Variants in STX11 observed in about 807,000 individuals in gnomAD.
The protein encoded by STX11 is syntaxin 11, also known as syntaxin-11.
A neutral mutation model predicts 19.9 loss-of-function variants in STX11; 21 were observed. The ratio of observed to expected loss-of-function variants is 1.06; its 90% CI spans 0.75 to 1.52. The LOEUF (loss-of-function observed/expected upper bound fraction) is 1.52, where lower values mean the gene tolerates loss of function less well. STX11 is among the 40% of genes most tolerant of loss of function. STX11 has a pLI of 0.00. For synonymous variants in STX11, 193 were observed against 174.4 expected (o/e 1.11, Z -0.84); for missense variants, 438 against 405.9 (o/e 1.08, Z -0.68).
At chr6:144,144,425 TCTTAAA>T in the STX11 span, among the ~76,000 whole-genome samples, 2 of 152,346 alleles carry the variant, frequency 1.3e-5, no homozygotes, top group African/African-American at 2.4e-5. Flanking sequence ...GAAAGAAAGA[TCTTAAA>T]CTTAAATTTA....
In STX11 at chr6:144,155,207, C is replaced by T. The variant is rs1191473962; in HGVS notation, c.-6+4504C>T. 6.6e-6 allele frequency among the ~76,000 whole-genome samples: 1 copy of T among 152,116 alleles called. No individual in the cohort carries two copies. Among genetic ancestry groups the T allele is most frequent in the African/African-American group, 2.4e-5 (1 of 41,408 alleles). On this transcript the variant is annotated intron_variant, in intron 1 of 1. Transcript: ENST00000367568. This position sits in a 1 kb window ranked among gnomAD's most constrained non-coding sequence, Gnocchi z 4.5. ...TTCCTCAAAGACCTCGACTTTGGAC[C>T]ATGTAAGGTTTAAAACGCCCAATTA...
At chr6:144,185,678 A>G (rs1802011435) in intron 1 of STX11, among the ~76,000 whole-genome samples, 1 of 152,226 alleles carries the variant, frequency 6.6e-6, no homozygotes, top group Non-Finnish European at 1.5e-5. Flanking sequence ...TATTGCTACT[A>G]GGCCACGTAT....
In STX11 at chr6:144,190,146, ACTT is replaced by A. The variant is rs886061154; in HGVS notation, c.*2663_*2665del. Among the ~76,000 whole-genome samples, 12 of 152,276 alleles carry A rather than the reference ACTT, an allele frequency of 7.9e-5. No homozygotes were observed. The highest frequency in any genetic ancestry group is 2.1e-4 in the South Asian group (1 of 4,822). On this transcript the variant is annotated 3_prime_UTR_variant, in exon 2 of 2. Coordinates refer to ENST00000367568, the MANE Select transcript of STX11 (RefSeq NM_003764.4). ...GAACTGTTACCTATAGGGAAAGAAC[ACTT>A]CTTCTTCCTGCTGTTTGGGAACCAT...
At chr6:144,161,419 G>T (rs1402995629) in intron 1 of STX11, among the ~76,000 whole-genome samples, 1 of 152,112 alleles carries the variant, frequency 6.6e-6, no homozygotes, top group Non-Finnish European at 1.5e-5. Flanking sequence ...CCACGCTGGA[G>T]TGCAGTGGCA....
At chr6:144,148,985 T>G (rs575311952), upstream of STX11, among the ~76,000 whole-genome samples, 13 of 152,338 alleles carry the variant, frequency 8.5e-5, no homozygotes, top group Non-Finnish European at 1.3e-4. Flanking sequence ...GTTTGATATT[T>G]TTCTCATTAT....
In STX11 at chr6:144,182,676, A is replaced by G. The variant is rs1801936493; in HGVS notation, c.-5-3947A>G. Among the ~76,000 whole-genome samples the G allele has an allele frequency of 6.6e-6, 1 of 152,164 alleles. No individual in the cohort carries two copies. The highest frequency in any genetic ancestry group is 1.5e-5 in the Non-Finnish European group (1 of 68,028). Reference sequence around the variant, plus strand: ...GATGATTTCCCCCAATAGCTTTTTAATGGCTGTAGGAGAGCAATACAGAGC... The same window carrying G: ...GATGATTTCCCCCAATAGCTTTTTAGTGGCTGTAGGAGAGCAATACAGAGC... On this transcript the variant is annotated intron_variant, in intron 1 of 1. Coordinates refer to ENST00000367568, the MANE Select transcript of STX11 (RefSeq NM_003764.4). The surrounding 1 kb of genome is among the most constrained non-coding windows in gnomAD (Gnocchi z 4.8).
At chr6:144,178,182 G>A (rs1801821064) in intron 1 of STX11, among the ~76,000 whole-genome samples, 1 of 152,198 alleles carries the variant, frequency 6.6e-6, no homozygotes, top group Admixed American at 6.5e-5. Flanking sequence ...GGATTCTCAA[G>A]TAGTCACACT....
chr6:144,143,423 T>A, the STX11 span, among the ~76,000 whole-genome samples: 2 of 152,126 alleles, frequency 1.3e-5, no homozygotes, highest in African/African-American at 4.8e-5. Context: ...AAGGGGTCTA[T>A]TATAAAGATA....
At chr6:144,173,588 C>T (rs1178080415) in intron 1 of STX11, among the ~76,000 whole-genome samples, 1 of 152,182 alleles carries the variant, frequency 6.6e-6, no homozygotes, top group Non-Finnish European at 1.5e-5. Context: ...TAGTTTGTCT[C>T]TATCGTGCAG....
In STX11 at chr6:144,176,348, T is replaced by G. The variant is rs987470499; in HGVS notation, c.-5-10275T>G. Reference sequence around the variant, plus strand: ...TCTTACTCACTGGGTGAACTTAACTTCTCCGAGACCCAGTTATTAGTAAAT... The same window carrying G: ...TCTTACTCACTGGGTGAACTTAACTGCTCCGAGACCCAGTTATTAGTAAAT... On this transcript the variant is annotated intron_variant, in intron 1 of 1. Coordinates refer to ENST00000367568, the MANE Select transcript of STX11 (RefSeq NM_003764.4). The surrounding 1 kb of genome is among the most constrained non-coding windows in gnomAD (Gnocchi z 4.1). Among the ~76,000 whole-genome samples the G allele has an allele frequency of 1.3e-5, 2 of 152,076 alleles. No individual in the cohort carries two copies. Among genetic ancestry groups the G allele is most frequent in the Admixed American group, 6.6e-5 (1 of 15,264 alleles).
In STX11 at chr6:144,169,276, G is replaced by T. The variant is rs547416508; in HGVS notation, c.-5-17347G>T. ...CTTTCCGGGGCAATAACACCAAAAC[G>T]GTGATGTTTTATCAGCATTGCAAAC... On this transcript the variant is annotated intron_variant, in intron 1 of 1. Transcript: ENST00000367568. This position sits in a 1 kb window ranked among gnomAD's most constrained non-coding sequence, Gnocchi z 5.2. 6.6e-6 allele frequency among the ~76,000 whole-genome samples: 1 copy of T among 152,156 alleles called. No homozygotes were observed. The highest frequency in any genetic ancestry group is 1.5e-5 in the Non-Finnish European group (1 of 68,030).
At chr6:144,142,581 G>A in the STX11 span, among the ~76,000 whole-genome samples, 15 of 152,082 alleles carry the variant, frequency 9.9e-5, no homozygotes, top group Non-Finnish European at 1.6e-4. Context: ...ATACTATTCC[G>A]CCATAAAAGA....
Position 144,187,796 on chromosome 6 carries a change from A to C in STX11, c.*305A>C. The stretch of plus-strand genomic sequence containing the variant: ...AAGTAAGGAACTGAAGTTGTATCTG[A>C]CTGTAGGGTGAATGTCTGAGGCCTG... On this transcript the variant is annotated 3_prime_UTR_variant, in exon 2 of 2. Transcript: ENST00000367568. This position sits in a 1 kb window ranked among gnomAD's most constrained non-coding sequence, Gnocchi z 5.6. 1 of 507,576 alleles carries C rather than the reference A, an allele frequency of 2.0e-6. No homozygotes were observed. The highest frequency in any genetic ancestry group is 3.7e-6 in the Non-Finnish European group (1 of 273,102). 31.4% of individuals were successfully genotyped at this position (507,576 alleles called of 1,614,324 possible).
chr6:144,154,752 G>A lies in STX11; in HGVS notation c.-6+4049G>A, dbSNP rs1224589324. 6.6e-6 allele frequency among the ~76,000 whole-genome samples: 1 copy of A among 152,130 alleles called. No homozygotes were observed. Among genetic ancestry groups the A allele is most frequent in the African/African-American group, 2.4e-5 (1 of 41,412 alleles). ...GTTCTAGTTTTACCCTGAAGCAGGC[G>A]CCTTACCTGCCTCTAACTTCCAGAA... is the stretch of plus-strand genomic sequence containing the variant. On this transcript the variant is annotated intron_variant, in intron 1 of 1. Transcript: ENST00000367568. The surrounding 1 kb of genome is among the most constrained non-coding windows in gnomAD (Gnocchi z 4.7).
chr6:144,147,177 A>C (rs989572933), upstream of STX11, among the ~76,000 whole-genome samples: 10 of 152,004 alleles, frequency 6.6e-5, no homozygotes, highest in African/African-American at 1.5e-4. This position sits in a 1 kb window ranked among gnomAD's most constrained non-coding sequence, Gnocchi z 4.2. Context: ...AAAAAAAAAA[A>C]AACTGCTTTG....
At position 144,186,727 on chromosome 6, in the gene STX11, G is replaced by T. The variant is rs777686678; in HGVS notation, c.100G>T (p.Val34Leu). The T allele has an allele frequency of 6.2e-7, 1 of 1,614,170 alleles. No homozygotes were observed. The highest frequency in any genetic ancestry group is 1.1e-5 in the South Asian group (1 of 91,090). Residue 34 changes from valine (V) to leucine (L), a missense_variant, in exon 2 of 2, where the codon GTG (valine) becomes TTG (leucine). Val to Leu is a conservative substitution (Grantham distance 32, BLOSUM62 1). Coordinates refer to ENST00000367568, the MANE Select transcript of STX11 (RefSeq NM_003764.4). ...DEFDSPHEDI[V>L]FETDHILESL... ...GTTTGACTCGCCCCACGAGGACATC[G>T]TGTTCGAGACGGACCACATCCTGGA...
rs1021239893 is a variant in STX11 at position 144,183,598 on chromosome 6, A to T, written c.-5-3025A>T. 2.0e-5 allele frequency among the ~76,000 whole-genome samples: 3 copies of T among 152,248 alleles called. No homozygotes were observed. The highest frequency in any genetic ancestry group is 4.4e-5 in the Non-Finnish European group (3 of 68,044). On this transcript the variant is annotated intron_variant, in intron 1 of 1. Coordinates refer to ENST00000367568, the MANE Select transcript of STX11 (RefSeq NM_003764.4). The surrounding 1 kb of genome is among the most constrained non-coding windows in gnomAD (Gnocchi z 4.6). ...AAATCATTAAGTTGCAAAAACAAAGACACCACAGGAGTTTTAAATTAGACT... is the reference window on the plus strand; with the variant it reads ...AAATCATTAAGTTGCAAAAACAAAGTCACCACAGGAGTTTTAAATTAGACT...
At chr6:144,166,049 T>G (rs752234905) in intron 1 of STX11, among the ~76,000 whole-genome samples, 3 of 152,222 alleles carry the variant, frequency 2.0e-5, no homozygotes, top group South Asian at 2.1e-4. Flanking sequence ...GTATCTACCC[T>G]TTGCTTCTTG....
the STX11 span, among the ~76,000 whole-genome samples, chr6:144,140,098 A>G: frequency 1.3e-5 from 2 of 150,754 alleles, no homozygotes; most frequent in Admixed American, 1.3e-4. Context: ...CAAGGTCTCA[A>G]AAAGATCATC....
Sources: allele counts gnomAD v4.1 joint callset (sites outside exome capture counted in the v4.1 genomes callset), GRCh38; gene constraint gnomAD v4.1.1; non-coding constraint Gnocchi (gnomAD v3.1); transcripts MANE v1.5; gene names NCBI Gene and HGNC (gene_info 2026-07-23, HGNC 2026-07-21).